The following RFTN2 variants were observed in gnomAD, a reference collection of about 807,000 sequenced individuals.
RFTN2 encodes raftlin-2.
A neutral mutation model predicts 52.7 loss-of-function variants in RFTN2; 34 were observed. That is an observed-to-expected ratio of 0.64 (90% CI 0.49 to 0.86). RFTN2 has a LOEUF of 0.86. Ranked by LOEUF, RFTN2 falls within the 40% of genes least tolerant of loss-of-function variation. RFTN2 has a pLI of 0.00. For missense variants in RFTN2, 536 were observed against 600.1 expected, an observed-to-expected ratio of 0.89 and a Z score of 1.12; for synonymous variants, 203 against 217.7, an observed-to-expected ratio of 0.93 and a Z score of 0.59.
Position 197,675,376 on chromosome 2 carries a change from A to G in RFTN2, c.83T>C (p.Val28Ala), listed in dbSNP as rs2089201956. The G allele has an allele frequency of 6.2e-7, 1 of 1,605,576 alleles. No individual in the cohort carries two copies. Among genetic ancestry groups the G allele is most frequent in the Admixed American group, 1.7e-5 (1 of 58,648 alleles). The change falls in exon 1 of 9, where the codon GTG (valine) becomes GCG (alanine). Residue 28 changes from valine (V) to alanine (A), a missense_variant. By Grantham distance (64) the Val-to-Ala change is moderately conservative (BLOSUM62 0). Transcript: ENST00000295049. ...KIFSTLKRPQVETKTEFAYEY... is the reference protein window; with the variant it reads ...KIFSTLKRPQAETKTEFAYEY... Reference sequence around the variant, plus strand: ...GTAAGCAAATTCTGTCTTTGTTTCCACTTGCGGTCTCTTCAGGGTAGAAAA... The same window carrying G: ...GTAAGCAAATTCTGTCTTTGTTTCCGCTTGCGGTCTCTTCAGGGTAGAAAA...
At chr2:197,641,872 G>T (rs74381635) in intron 3 of RFTN2, among the ~76,000 whole-genome samples, 88 of 152,270 alleles carry the variant, frequency 5.8e-4, no homozygotes, top group African/African-American at 2.1e-3. Context: ...AAATAACCCT[G>T]TTGCTCTAAT....
Position 197,675,414 on chromosome 2 carries a change from G to T in RFTN2, c.45C>A (p.Ser15Arg). The change falls in exon 1 of 9, where the codon AGC becomes AGA. Residue 15 changes from serine (S) to arginine (R), a missense_variant. Coordinates refer to ENST00000295049, the MANE Select transcript of RFTN2 (RefSeq NM_144629.3). ...LRKLEDPDDS[S>R]PGKIFSTLKR... ...TCAGGGTAGAAAATATTTTTCCAGG[G>T]CTGCTATCATCAGGGTCTTCTAGCT... The T allele has an allele frequency of 6.2e-7, 1 of 1,602,518 alleles. No individual in the cohort carries two copies. The highest frequency in any genetic ancestry group is 8.5e-7 in the Non-Finnish European group (1 of 1,174,572).
At chr2:197,652,205 C>A (rs1411082415) in intron 1 of RFTN2, among the ~76,000 whole-genome samples, 1 of 152,210 alleles carries the variant, frequency 6.6e-6, no homozygotes, top group Non-Finnish European at 1.5e-5. Flanking sequence ...TTTCAGTCAA[C>A]AAACTGTTCA....
intron 8 of RFTN2, among the ~76,000 whole-genome samples, chr2:197,590,798 C>G (rs187696070): frequency 3.9e-5 from 6 of 152,162 alleles, no homozygotes; most frequent in Admixed American, 3.9e-4. Flanking sequence ...CCGGTGGGTT[C>G]GTGGTCTGGC....
chr2:197,585,643 A>AT (rs1327465884), intron 8 of RFTN2, among the ~76,000 whole-genome samples: 1 of 151,994 alleles, frequency 6.6e-6, no homozygotes, highest in East Asian at 1.9e-4. Context: ...TTAGCGAACA[A>AT]TTGCTGGCTT....
Position 197,675,546 on chromosome 2 carries a change from C to A in RFTN2, c.-88G>T. On this transcript the variant is annotated 5_prime_UTR_variant, in exon 1 of 9. Coordinates refer to ENST00000295049, the MANE Select transcript of RFTN2 (RefSeq NM_144629.3). ...TAAGCTGCAAAAAGAAAGTTACAGA[C>A]TTAACTGCTTTGATTTTGTTTTCAG... 9 of 410,194 alleles carry A rather than the reference C, an allele frequency of 2.2e-5. No individual in the cohort carries two copies. The highest frequency in any genetic ancestry group is 2.7e-5 in the Non-Finnish European group (8 of 290,978). 25.4% of individuals were successfully genotyped at this position (410,194 alleles called of 1,614,324 possible).
intron 2 of RFTN2, among the ~76,000 whole-genome samples, chr2:197,644,550 A>G (rs184927213): frequency 5.4e-4 from 83 of 152,334 alleles, no homozygotes; most frequent in Admixed American, 1.2e-3. Flanking sequence ...TATAAGAAAT[A>G]ATTTTAGATT....
At chr2:197,588,344 C>T (rs1319418293) in intron 8 of RFTN2, among the ~76,000 whole-genome samples, 1 of 152,054 alleles carries the variant, frequency 6.6e-6, no homozygotes, top group Non-Finnish European at 1.5e-5. Flanking sequence ...AAGTTCTTTC[C>T]TATTCATTTT....
chr2:197,608,325 T>G (rs995342538), intron 7 of RFTN2, among the ~76,000 whole-genome samples: 1 of 151,422 alleles, frequency 6.6e-6, no homozygotes, highest in African/African-American at 2.4e-5. Flanking sequence ...TTTTTTTTTT[T>G]TTTTGAGACA....
chr2:197,631,039 A>C lies in RFTN2; in HGVS notation c.900T>G (p.Asp300Glu). Residue 300 changes from aspartate (D) to glutamate (E), a missense_variant, in exon 5 of 9, where the codon GAT becomes GAG. Asp to Glu is a conservative substitution (Grantham distance 45). Coordinates refer to ENST00000295049, the MANE Select transcript of RFTN2 (RefSeq NM_144629.3). The stretch of plus-strand genomic sequence containing the variant: ...TAGATGTTTCCCAGAATACAAAAGA[A>C]TCAATTAAAGACAAGCCTTGTTTAT... ...FYYKQGLSLI[D>E]SFVFWETSKG... 2 of 1,610,960 alleles carry C rather than the reference A, an allele frequency of 1.2e-6. No individual in the cohort carries two copies. Among genetic ancestry groups the C allele is most frequent in the Non-Finnish European group, 1.7e-6 (2 of 1,177,486 alleles).
Position 197,624,326 on chromosome 2 carries a change from G to A in RFTN2, c.929-6405C>T, listed in dbSNP as rs1480114479. 4.6e-5 allele frequency among the ~76,000 whole-genome samples: 7 copies of A among 152,040 alleles called. No homozygotes were observed. In the East Asian group the frequency reaches 7.7e-4, roughly 17 times the overall value. Reference sequence around the variant, plus strand: ...TTGTGAAAGAAAGAGCTGGCGTGGCGCGGTGACTCATGCCTGTAATCCCAG... The same window carrying A: ...TTGTGAAAGAAAGAGCTGGCGTGGCACGGTGACTCATGCCTGTAATCCCAG... On this transcript the variant is annotated intron_variant, in intron 5 of 8. Transcript: ENST00000295049.
chr2:197,627,884 C>T (rs984808089), intron 5 of RFTN2, among the ~76,000 whole-genome samples: 5 of 131,366 alleles, frequency 3.8e-5, no homozygotes, highest in Non-Finnish European at 8.0e-5. Context: ...CGCCCCCCCG[C>T]CCCCCCGTGT....
At chr2:197,578,753 C>G (rs1361829498) in intron 8 of RFTN2, among the ~76,000 whole-genome samples, 1 of 152,216 alleles carries the variant, frequency 6.6e-6, no homozygotes, top group East Asian at 1.9e-4. Flanking sequence ...GTTTGGTGGT[C>G]TCTTCACACG....
In RFTN2 at chr2:197,654,076, C is replaced by A. The variant is rs148141797; in HGVS notation, c.140-7410G>T. Among the ~76,000 whole-genome samples the A allele has an allele frequency of 6.8e-4, 104 of 152,266 alleles. 1 individual carries two copies. The highest frequency in any genetic ancestry group is 2.3e-3 in the African/African-American group (95 of 41,564). On this transcript the variant is annotated intron_variant, in intron 1 of 8. Coordinates refer to ENST00000295049, the MANE Select transcript of RFTN2 (RefSeq NM_144629.3). Reference sequence around the variant, plus strand: ...GCTAGATAATGTTATTTGCCAAAGACTGAGCCACAGGCCTGGCCAAGGAAA... The same window carrying A: ...GCTAGATAATGTTATTTGCCAAAGAATGAGCCACAGGCCTGGCCAAGGAAA...
chr2:197,673,286 C>A (rs2089171942), intron 1 of RFTN2, among the ~76,000 whole-genome samples: 1 of 152,088 alleles, frequency 6.6e-6, no homozygotes, highest in African/African-American at 2.4e-5. Context: ...TTTAACCCAC[C>A]CATGACCCAC....
chr2:197,576,315 G>A (rs145370917), intron 8 of RFTN2, among the ~76,000 whole-genome samples: 134 of 152,210 alleles, frequency 8.8e-4, no homozygotes, highest in African/African-American at 3.1e-3. Context: ...AGTCAGTGGT[G>A]TGGTGTCTGG....
intron 3 of RFTN2, among the ~76,000 whole-genome samples, chr2:197,635,017 A>G (rs1389445958): frequency 4.2e-4 from 63 of 151,478 alleles, no homozygotes; most frequent in African/African-American, 1.2e-3. Flanking sequence ...ATAGTTTACT[A>G]AGAATGATGA....
intron 5 of RFTN2, among the ~76,000 whole-genome samples, chr2:197,624,136 G>A (rs994015644): frequency 9.9e-5 from 15 of 152,186 alleles, no homozygotes; most frequent in African/African-American, 3.4e-4. Context: ...TACTCCTGGT[G>A]AAGATGCTGT....
At chr2:197,643,731 T>C (rs1438891928) in intron 3 of RFTN2, among the ~76,000 whole-genome samples, 1 of 152,202 alleles carries the variant, frequency 6.6e-6, no homozygotes, top group East Asian at 1.9e-4. Flanking sequence ...GTTATATTTA[T>C]ATACTCAAAC....
Sources: gnomAD v4.1 joint callset for allele counts (sites outside exome capture counted in the v4.1 genomes callset) on GRCh38, gnomAD v4.1.1 for gene constraint, MANE v1.5 for transcripts, NCBI Gene and HGNC (gene_info 2026-07-23, HGNC 2026-07-21) for gene names.